The following MAP2K5 variants were observed in gnomAD, a reference collection of about 807,000 sequenced individuals.
The protein encoded by MAP2K5 is mitogen-activated protein kinase kinase 5.
In MAP2K5, 49 loss-of-function variants were observed where a neutral mutation model predicts 83.1. The ratio of observed to expected loss-of-function variants is 0.59; its 90% CI spans 0.47 to 0.75. The LOEUF is 0.75. Among genes scored for constraint, MAP2K5 ranks in the 30% least tolerant of loss-of-function variants. MAP2K5 has a pLI of 0.00. For synonymous variants in MAP2K5, 202 were observed against 191.8 expected (o/e 1.05, Z -0.44); for missense variants, 457 against 557.5 (o/e 0.82, Z 1.82).
chr15:67,756,510 AGTTACT>A (rs1389160395), intron 19 of MAP2K5, among the ~76,000 whole-genome samples: 3 of 128,042 alleles, frequency 2.3e-5, no homozygotes, highest in South Asian at 2.7e-4. Flanking sequence ...CCCCACACAC[AGTTACT>A]GTGTGTGTGT....
At chr15:67,626,338 C>T (rs2086321063) in intron 8 of MAP2K5, among the ~76,000 whole-genome samples, 1 of 152,090 alleles carries the variant, frequency 6.6e-6, no homozygotes. Context: ...GCCTGGCCAA[C>T]ATGGTGAAAC....
At chr15:67,662,592 G>A (rs1270011760) in intron 12 of MAP2K5, among the ~76,000 whole-genome samples, 2 of 152,072 alleles carry the variant, frequency 1.3e-5, no homozygotes, top group African/African-American at 4.8e-5. Flanking sequence ...AATAAAACAT[G>A]TACATTTCCT....
At chr15:67,752,264 A>G (rs531990447) in intron 19 of MAP2K5, among the ~76,000 whole-genome samples, 3 of 151,326 alleles carry the variant, frequency 2.0e-5, no homozygotes, top group South Asian at 4.2e-4. Context: ...ACAGGGTTTC[A>G]CCATGTTGGC....
Position 67,736,684 on chromosome 15 carries a change from T to C in MAP2K5, c.1074+8739T>C, listed in dbSNP as rs2089347931. 1.3e-5 allele frequency among the ~76,000 whole-genome samples: 2 copies of C among 152,220 alleles called. No homozygotes were observed. ...ATCTCGTCATTTTTAGTTCAGTTAC[T>C]GGGGACCATGATTCCCTTACAATTT... On this transcript the variant is annotated intron_variant, in intron 17 of 21. Transcript: ENST00000178640. The surrounding 1 kb of genome is among the most constrained non-coding windows in gnomAD (Gnocchi z 4.3).
chr15:67,690,383 A>G lies in MAP2K5; in HGVS notation c.848-2096A>G, dbSNP rs868724306. Among the ~76,000 whole-genome samples, 2 of 152,178 alleles carry G rather than the reference A, an allele frequency of 1.3e-5. No individual in the cohort carries two copies. Among genetic ancestry groups the G allele is most frequent in the African/African-American group, 2.4e-5 (1 of 41,456 alleles). On this transcript the variant is annotated intron_variant, in intron 13 of 21. Coordinates refer to ENST00000178640, the MANE Select transcript of MAP2K5 (RefSeq NM_145160.3). The surrounding 1 kb of genome is among the most constrained non-coding windows in gnomAD (Gnocchi z 4.3). ...GTTGGTGGGGGGCATGTCAGAGAATACTTAACCTCCTCCTTAAGGAGACAA... is the reference window on the plus strand; with the variant it reads ...GTTGGTGGGGGGCATGTCAGAGAATGCTTAACCTCCTCCTTAAGGAGACAA...
intron 11 of MAP2K5, among the ~76,000 whole-genome samples, chr15:67,653,237 AT>A (rs2086991881): frequency 6.7e-6 from 1 of 148,886 alleles, no homozygotes; most frequent in Admixed American, 6.7e-5. Context: ...CTCCTCACTT[AT>A]TTTCTTGGTC....
chr15:67,641,375 G>A, intron 9 of MAP2K5: 2 of 449,976 alleles, frequency 4.4e-6, no homozygotes, highest in Non-Finnish European at 6.1e-6. Context: ...TGTCGCCATA[G>A]ATTAAATAAG....
At chr15:67,598,133 A>T (rs377543302) in intron 7 of MAP2K5, among the ~76,000 whole-genome samples, 5 of 151,920 alleles carry the variant, frequency 3.3e-5, no homozygotes, top group South Asian at 2.1e-4. Context: ...TGAACTTGAG[A>T]TGTGGAGTTT....
chr15:67,645,343 G>A (rs1471576467), intron 9 of MAP2K5, among the ~76,000 whole-genome samples: 1 of 151,648 alleles, frequency 6.6e-6, no homozygotes, highest in Admixed American at 6.6e-5. Flanking sequence ...AGCTGGGTAT[G>A]GTGGCACACC....
chr15:67,711,874 T>C (rs2088699749), intron 16 of MAP2K5, among the ~76,000 whole-genome samples: 1 of 152,226 alleles, frequency 6.6e-6, no homozygotes, highest in Non-Finnish European at 1.5e-5. Flanking sequence ...GGAGTCAAGG[T>C]GGGACCAAGA....
In MAP2K5 at chr15:67,550,377, G is replaced by A. The variant is rs149495047; in HGVS notation, c.184+295G>A. ...ATAATATTGCAGGACAAAATGAAAC[G>A]TGTAAACTACCTGTAGGCCAGTGAT... On this transcript the variant is annotated intron_variant, in intron 2 of 21. Coordinates refer to ENST00000178640, the MANE Select transcript of MAP2K5 (RefSeq NM_145160.3). 3.3e-5 allele frequency among the ~76,000 whole-genome samples: 5 copies of A among 152,290 alleles called. No homozygotes were observed. In the East Asian group the frequency reaches 9.6e-4, roughly 29 times the overall value.
rs962028608 is a variant in MAP2K5, at chr15:67,668,086, T to C, written c.847+3441T>C. On this transcript the variant is annotated intron_variant, in intron 13 of 21. Transcript: ENST00000178640. The surrounding 1 kb of genome is among the most constrained non-coding windows in gnomAD (Gnocchi z 4.0). ...ATTCATAATGGATCATCAAATGTTA[T>C]ATTCAGTCAGGTGTTACTATTGTTT... Among the ~76,000 whole-genome samples the C allele has an allele frequency of 1.3e-5, 2 of 152,218 alleles. No homozygotes were observed. The highest frequency in any genetic ancestry group is 1.3e-4 in the Admixed American group (2 of 15,270).
In MAP2K5 at chr15:67,733,107, C is replaced by T. The variant is rs2089259288; in HGVS notation, c.1074+5162C>T. Among the ~76,000 whole-genome samples the T allele has an allele frequency of 2.0e-5, 3 of 152,120 alleles. No homozygotes were observed. In the East Asian group the frequency reaches 5.8e-4, roughly 29 times the overall value. Reference sequence around the variant, plus strand: ...GCCTTGTCATTGATTAGAAAAGAGCCTTTAATTTCATTTCACCCCATGTTG... The same window carrying T: ...GCCTTGTCATTGATTAGAAAAGAGCTTTTAATTTCATTTCACCCCATGTTG... On this transcript the variant is annotated intron_variant, in intron 17 of 21. Transcript: ENST00000178640.
Position 67,543,559 on chromosome 15 carries a change from G to A in MAP2K5, c.135+89G>A. On this transcript the variant is annotated intron_variant, in intron 1 of 21. Coordinates refer to ENST00000178640, the MANE Select transcript of MAP2K5 (RefSeq NM_145160.3). The surrounding 1 kb of genome is among the most constrained non-coding windows in gnomAD (Gnocchi z 4.3). ...CCTTGACCACTGGTGACCTGAGCCA[G>A]TGGCAATGGCTACTGCTGGCTTCCT... 1 of 1,483,002 alleles carries A rather than the reference G, an allele frequency of 6.7e-7. No homozygotes were observed. The highest frequency in any genetic ancestry group is 9.3e-7 in the Non-Finnish European group (1 of 1,071,340). The allele number at this position is 1,483,002 out of a possible 1,614,324, so 91.9% of individuals were successfully genotyped here. A position where few individuals can be genotyped will look rare whatever the true frequency, so the allele number is the denominator to read the frequency against.
chr15:67,572,793 G>T lies in MAP2K5; in HGVS notation c.253-7961G>T, dbSNP rs910310804. On this transcript the variant is annotated intron_variant, in intron 3 of 21. Transcript: ENST00000178640. The surrounding 1 kb of genome is among the most constrained non-coding windows in gnomAD (Gnocchi z 4.2). Reference sequence around the variant, plus strand: ...TGGCTCACTGCAAACTCACCTCTCGGGTTCAAGTGATTCTCCTGCCTCAAC... The same window carrying T: ...TGGCTCACTGCAAACTCACCTCTCGTGTTCAAGTGATTCTCCTGCCTCAAC... Among the ~76,000 whole-genome samples, 2 of 151,968 alleles carry T rather than the reference G, an allele frequency of 1.3e-5. No individual in the cohort carries two copies. Among genetic ancestry groups the T allele is most frequent in the African/African-American group, 4.8e-5 (2 of 41,360 alleles).
At position 67,777,921 on chromosome 15, in the gene MAP2K5, T is replaced by C. The variant is rs1181231235; in HGVS notation, c.1242+5169T>C. 6.6e-6 allele frequency among the ~76,000 whole-genome samples: 1 copy of C among 152,202 alleles called. No individual in the cohort carries two copies. The highest frequency in any genetic ancestry group is 2.4e-5 in the African/African-American group (1 of 41,450). ...TTGCAATTGAAATTTGACATTTTGC[T>C]TAGACAGCAAGTAAATAGTGGCATT... On this transcript the variant is annotated intron_variant, in intron 21 of 21. Coordinates refer to ENST00000178640, the MANE Select transcript of MAP2K5 (RefSeq NM_145160.3). The surrounding 1 kb of genome is among the most constrained non-coding windows in gnomAD (Gnocchi z 6.0).
chr15:67,787,421 A>G (rs2090439333), intron 21 of MAP2K5, among the ~76,000 whole-genome samples: 1 of 152,220 alleles, frequency 6.6e-6, no homozygotes. Flanking sequence ...GACCTTTGCT[A>G]ACCTGCCTTT....
intron 13 of MAP2K5, among the ~76,000 whole-genome samples, chr15:67,684,068 A>G (rs1015909762): frequency 2.0e-5 from 3 of 152,202 alleles, no homozygotes; most frequent in African/African-American, 7.2e-5. Flanking sequence ...TTCACAGAAC[A>G]GAGTCCTAGA....
intron 1 of MAP2K5, among the ~76,000 whole-genome samples, chr15:67,546,952 G>T (rs2084400060): frequency 6.6e-6 from 1 of 152,112 alleles, no homozygotes; most frequent in Non-Finnish European, 1.5e-5. Flanking sequence ...TGTGGTCCCA[G>T]CTATTAGGGA....
Sources: allele counts gnomAD v4.1 joint callset (sites outside exome capture counted in the v4.1 genomes callset), GRCh38; gene constraint gnomAD v4.1.1; non-coding constraint Gnocchi (gnomAD v3.1); transcripts MANE v1.5; gene names NCBI Gene and HGNC (gene_info 2026-07-23, HGNC 2026-07-21).